Variants in CDK17 observed in about 807,000 individuals in gnomAD.
CDK17 encodes cyclin dependent kinase 17.
A neutral mutation model predicts 77.6 loss-of-function variants in CDK17; 24 were observed. That is an observed-to-expected ratio of 0.31 (90% CI 0.22 to 0.44). CDK17 has a LOEUF of 0.44. Ranked by LOEUF, CDK17 falls within the 20% of genes least tolerant of loss-of-function variation. CDK17 has a pLI of 1.00. For synonymous variants in CDK17, 203 were observed against 210.4 expected (o/e 0.96, Z 0.30); for missense variants, 429 against 622.5 (o/e 0.69, Z 3.31).
chr12:96,360,986 G>C (rs542282759), intron 1 of CDK17, among the ~76,000 whole-genome samples: 1 of 152,178 alleles, frequency 6.6e-6, no homozygotes, highest in African/African-American at 2.4e-5. Flanking sequence ...CATAGTAAAT[G>C]CAAAAAGCAA....
At chr12:96,372,476 G>A (rs1953710639) in intron 1 of CDK17, among the ~76,000 whole-genome samples, 1 of 152,132 alleles carries the variant, frequency 6.6e-6, no homozygotes, top group Admixed American at 6.5e-5. Context: ...TACTTGCTAA[G>A]TGGAAAATTA....
At chr12:96,331,009 C>T (rs565144989) in intron 2 of CDK17, among the ~76,000 whole-genome samples, 22 of 152,272 alleles carry the variant, frequency 1.4e-4, no homozygotes, top group African/African-American at 4.6e-4. Flanking sequence ...TGCAGGGGTG[C>T]CATCTCGGCT....
At chr12:96,283,678 GCTCT>G (rs772216471) in intron 13 of CDK17, 33 bp from the exon 14 acceptor site, 1 of 1,406,128 alleles carries the variant, frequency 7.1e-7, no homozygotes, top group Non-Finnish European at 9.9e-7. Context: ...AAAAATTTAT[GCTCT>G]CTTAGCTGAT....
chr12:96,314,303 TC>T (rs533039810), intron 3 of CDK17, among the ~76,000 whole-genome samples: 50 of 152,316 alleles, frequency 3.3e-4, no homozygotes, highest in Non-Finnish European at 6.6e-4. Context: ...GCTCAAGCAA[TC>T]CTCCTGCCTC....
At chr12:96,292,685 T>C (rs1952342091) in intron 10 of CDK17, among the ~76,000 whole-genome samples, 1 of 152,168 alleles carries the variant, frequency 6.6e-6, no homozygotes, top group Non-Finnish European at 1.5e-5. Flanking sequence ...CATGGGTTTT[T>C]AAAAACTAAG....
intron 1 of CDK17, among the ~76,000 whole-genome samples, chr12:96,340,177 C>A (rs574222435): frequency 3.3e-5 from 5 of 151,970 alleles, no homozygotes; most frequent in Admixed American, 1.3e-4. Context: ...TAAACCTTAA[C>A]CTTTTCTTCA....
chr12:96,392,048 A>G (rs1416026092), intron 1 of CDK17, among the ~76,000 whole-genome samples: 1 of 152,218 alleles, frequency 6.6e-6, no homozygotes, highest in African/African-American at 2.4e-5. Context: ...GAAATACAGA[A>G]ATGAAAAAAA....
At chr12:96,391,467 T>TG (rs1954066746) in intron 1 of CDK17, among the ~76,000 whole-genome samples, 2 of 133,764 alleles carry the variant, frequency 1.5e-5, no homozygotes, top group Admixed American at 1.6e-4. Context: ...TTTTTTGTAT[T>TG]TTTAGTAGAG....
intron 2 of CDK17, among the ~76,000 whole-genome samples, chr12:96,326,526 AAAAGCT>A (rs1165512844): frequency 6.6e-6 from 1 of 152,240 alleles, no homozygotes; most frequent in Non-Finnish European, 1.5e-5. Context: ...AGATAGAGAA[AAAAGCT>A]AATGAAAAGC....
At chr12:96,377,904 A>G (rs956116181) in intron 1 of CDK17, among the ~76,000 whole-genome samples, 78 of 152,290 alleles carry the variant, frequency 5.1e-4, no homozygotes, top group African/African-American at 1.5e-3. Flanking sequence ...CGTGTTAGCC[A>G]GGATGGTCTT....
intron 9 of CDK17, among the ~76,000 whole-genome samples, chr12:96,296,975 AT>A (rs555535858): frequency 1.9e-3 from 293 of 150,608 alleles, no homozygotes; most frequent in African/African-American, 4.2e-3. Context: ...TTTATTTTGA[AT>A]TTTTTTTTTA....
chr12:96,327,875 C>A (rs973153280), intron 2 of CDK17, among the ~76,000 whole-genome samples: 1 of 152,082 alleles, frequency 6.6e-6, no homozygotes, highest in Admixed American at 6.5e-5. Flanking sequence ...TTTACCAGAT[C>A]AACTGTTAAA....
At chr12:96,369,998 G>A (rs1432462163) in intron 1 of CDK17, among the ~76,000 whole-genome samples, 1 of 152,184 alleles carries the variant, frequency 6.6e-6, no homozygotes, top group African/African-American at 2.4e-5. Context: ...ATTTATTTGT[G>A]AAGGAACTGG....
intron 1 of CDK17, among the ~76,000 whole-genome samples, chr12:96,370,490 C>G (rs1303377024): frequency 6.6e-6 from 1 of 152,130 alleles, no homozygotes; most frequent in Non-Finnish European, 1.5e-5. Flanking sequence ...CAATTCAGAG[C>G]AAGATCAAAA....
intron 3 of CDK17, among the ~76,000 whole-genome samples, chr12:96,322,420 A>G (rs912081478): frequency 2.6e-5 from 4 of 152,140 alleles, no homozygotes; most frequent in South Asian, 4.1e-4. Context: ...AAGGATTATT[A>G]AACAGAGAAG....
intron 1 of CDK17, among the ~76,000 whole-genome samples, chr12:96,366,076 C>T (rs1953578584): frequency 6.6e-6 from 1 of 152,180 alleles, no homozygotes; most frequent in African/African-American, 2.4e-5. Context: ...CTGCTGGTTA[C>T]ATTTCAACAC....
In CDK17 at chr12:96,384,450, T is replaced by C. The variant is rs200705525; in HGVS notation, c.-30+15536A>G. ...CAAATCATTTTATCAAAAAGACTCA[T>C]GTATTCATAGGTTTATGGCGGCACT... On this transcript the variant is annotated intron_variant, in intron 1 of 16. Coordinates refer to ENST00000261211, the MANE Select transcript of CDK17 (RefSeq NM_002595.5). 3.3e-5 allele frequency among the ~76,000 whole-genome samples: 5 copies of C among 152,332 alleles called. No individual in the cohort carries two copies. The East Asian group carries it at 9.7e-4, about 29-fold the overall frequency.
chr12:96,344,269 G>T (rs1953165693), intron 1 of CDK17, among the ~76,000 whole-genome samples: 1 of 152,062 alleles, frequency 6.6e-6, no homozygotes. Context: ...TAAAAGAAAG[G>T]GGGAAATATT....
At chr12:96,389,177 G>T (rs1200723715) in intron 1 of CDK17, among the ~76,000 whole-genome samples, 2 of 147,184 alleles carry the variant, frequency 1.4e-5, no homozygotes, top group Non-Finnish European at 1.5e-5. Context: ...GTCTCCCTAT[G>T]TTGCCCAGGC....
Sources: allele counts gnomAD v4.1 joint callset (sites outside exome capture counted in the v4.1 genomes callset), GRCh38; gene constraint gnomAD v4.1.1; transcripts MANE v1.5; gene names NCBI Gene and HGNC (gene_info 2026-07-23, HGNC 2026-07-21).